Variants in EXOC2 observed in about 807,000 individuals in gnomAD.
EXOC2 encodes the protein SEC5-like 1.
In EXOC2, 70 loss-of-function variants were observed where a neutral mutation model predicts 131.8. The observed-to-expected ratio is 0.53, with a 90% CI of 0.44 to 0.65. The LOEUF is 0.65. EXOC2 is among the 30% of genes least tolerant of loss of function. EXOC2 has a pLI of 0.00. For synonymous variants in EXOC2, 411 were observed against 398.4 expected (o/e 1.03, Z -0.38); for missense variants, 923 against 1,108.6 (o/e 0.83, Z 2.38).
rs914941867 is a variant in EXOC2 at position 632,951 on chromosome 6, A to G, written c.285T>C (p.Pro95=). ...CATGAAAGACTTTACCTATTTTCTC[A>G]GGTTTGAGTAGCTTGAAAGAGACTG... ...TSTVSFKLLK[P]EKIGILDQSA... Residue 95 remains proline (P), a synonymous_variant, in exon 3 of 28, where the codon CCT becomes CCC. Coordinates refer to ENST00000230449, the MANE Select transcript of EXOC2 (RefSeq NM_018303.6). 20 of 1,603,796 alleles carry G rather than the reference A, an allele frequency of 1.2e-5. No individual in the cohort carries two copies. Among genetic ancestry groups the G allele is most frequent in the Non-Finnish European group, 1.6e-5 (19 of 1,175,958 alleles).
At chr6:661,933 T>A (rs962161530) in intron 1 of EXOC2, among the ~76,000 whole-genome samples, 2 of 152,146 alleles carry the variant, frequency 1.3e-5, no homozygotes, top group African/African-American at 4.8e-5. Context: ...AGGACTCACA[T>A]AAAGTTAAAG....
At chr6:631,633 C>T (rs928572566) in intron 3 of EXOC2, among the ~76,000 whole-genome samples, 16 of 151,928 alleles carry the variant, frequency 1.1e-4, no homozygotes, top group African/African-American at 3.9e-4. Context: ...AAAATTACCA[C>T]TTTTGCCTAA....
intron 11 of EXOC2, among the ~76,000 whole-genome samples, chr6:585,995 G>C (rs1217216325): frequency 6.6e-6 from 1 of 152,122 alleles, no homozygotes; most frequent in Non-Finnish European, 1.5e-5. Flanking sequence ...TTAAAAGCAG[G>C]CTCCTGAGAA....
At chr6:596,109 G>T (rs1226712734) in intron 10 of EXOC2, among the ~76,000 whole-genome samples, 1 of 151,892 alleles carries the variant, frequency 6.6e-6, no homozygotes, top group Non-Finnish European at 1.5e-5. Flanking sequence ...GATTAGAGAG[G>T]ACATGTAGAA....
At chr6:632,697 T>A (rs997824115) in intron 3 of EXOC2, among the ~76,000 whole-genome samples, 2 of 152,238 alleles carry the variant, frequency 1.3e-5, no homozygotes, top group African/African-American at 4.8e-5. Context: ...TTTTAAGAAC[T>A]GAGAAGAGTA....
chr6:692,003 G>A (rs1032468658), intron 1 of EXOC2, among the ~76,000 whole-genome samples: 3 of 152,182 alleles, frequency 2.0e-5, no homozygotes, highest in Admixed American at 6.5e-5. Flanking sequence ...GTCATTAAAG[G>A]AGTCAGTTAC....
intron 23 of EXOC2, chr6:525,480 C>T (rs934485030): frequency 6.6e-6 from 1 of 152,188 alleles, no homozygotes; most frequent in African/African-American, 2.4e-5. Flanking sequence ...TCAGGAAAAA[C>T]TGTCAAATGA....
At chr6:594,570 T>C (rs562355931) in intron 10 of EXOC2, among the ~76,000 whole-genome samples, 2 of 152,362 alleles carry the variant, frequency 1.3e-5, no homozygotes, top group South Asian at 4.1e-4. Context: ...AAGGGTTCTT[T>C]CTCCAGGAGT....
At chr6:691,754 A>AG (rs1764937128) in intron 1 of EXOC2, among the ~76,000 whole-genome samples, 1 of 152,234 alleles carries the variant, frequency 6.6e-6, no homozygotes, top group Non-Finnish European at 1.5e-5. Flanking sequence ...CATTCAATAC[A>AG]GGAAATTAAA....
chr6:630,094 C>T (rs542806436), intron 3 of EXOC2, 133 bp from the exon 4 acceptor site: 86 of 1,106,982 alleles, frequency 7.8e-5, no homozygotes, highest in Middle Eastern at 4.2e-4. Flanking sequence ...GATTTGAGGA[C>T]ATAACAGCTA....
chr6:596,745 G>C (rs1759842146), intron 10 of EXOC2, among the ~76,000 whole-genome samples: 1 of 152,042 alleles, frequency 6.6e-6, no homozygotes, highest in Admixed American at 6.6e-5. Context: ...TACAACCACT[G>C]AATAGTCAAT....
chr6:656,746 G>GAA lies in EXOC2; in HGVS notation c.-43-18887_-43-18886dup, dbSNP rs746864935. Reference sequence around the variant, plus strand: ...AGATCTTCCGAGACACCTTCCATGCGAAACTGCTGGAAGGCCCCCTGCCGC... The same window carrying GAA: ...AGATCTTCCGAGACACCTTCCATGCGAAAAACTGCTGGAAGGCCCCCTGCCGC... On this transcript the variant is annotated intron_variant, in intron 1 of 27. Coordinates refer to ENST00000230449, the MANE Select transcript of EXOC2 (RefSeq NM_018303.6). 1.7e-5 allele frequency: 27 copies of GAA among 1,587,498 alleles called. 1 individual carries two copies. Among genetic ancestry groups the GAA allele is most frequent in the Non-Finnish European group, 2.1e-5 (24 of 1,164,282 alleles).
At chr6:650,812 G>A (rs972194709) in intron 1 of EXOC2, among the ~76,000 whole-genome samples, 2 of 152,104 alleles carry the variant, frequency 1.3e-5, no homozygotes, top group Non-Finnish European at 2.9e-5. Flanking sequence ...TCAAGACAAA[G>A]CAACAGAACT....
chr6:637,630 T>C, intron 2 of EXOC2, 71 bp downstream of exon 2: 1 of 1,195,230 alleles, frequency 8.4e-7, no homozygotes, highest in South Asian at 1.5e-5. Flanking sequence ...GTTTGAAAAT[T>C]ACATATCTTG....
intron 25 of EXOC2, among the ~76,000 whole-genome samples, chr6:494,273 A>G (rs1266237984): frequency 6.6e-6 from 1 of 152,204 alleles, no homozygotes; most frequent in Non-Finnish European, 1.5e-5. Context: ...AAAAAATTTC[A>G]AATGTATGGA....
chr6:498,715 A>G (rs2127479010), intron 24 of EXOC2, among the ~76,000 whole-genome samples: 1 of 152,238 alleles, frequency 6.6e-6, no homozygotes, highest in African/African-American at 2.4e-5. Flanking sequence ...ACTCTTAATT[A>G]ACCATGTTTT....
In EXOC2 at chr6:629,076, T is replaced by G. The variant is rs147988632; in HGVS notation, c.422+759A>C. Among the ~76,000 whole-genome samples the G allele has an allele frequency of 2.2e-4, 34 of 152,262 alleles. No individual in the cohort carries two copies. The East Asian group carries it at 4.4e-3, about 20-fold the overall frequency. ...CAAGAGTAGGCTTGAAGATTATATATAGAGAGATTATTGGAGAATTTTCCC... is the reference window on the plus strand; with the variant it reads ...CAAGAGTAGGCTTGAAGATTATATAGAGAGAGATTATTGGAGAATTTTCCC... On this transcript the variant is annotated intron_variant, in intron 4 of 27. Transcript: ENST00000230449.
chr6:638,852 C>A (rs997963558), intron 1 of EXOC2, among the ~76,000 whole-genome samples: 4 of 152,262 alleles, frequency 2.6e-5, no homozygotes, highest in South Asian at 4.1e-4. Flanking sequence ...CTGCTTGAAC[C>A]CAGGAGGCGG....
intron 1 of EXOC2, among the ~76,000 whole-genome samples, chr6:662,827 G>A (rs149076294): frequency 6.6e-6 from 1 of 152,120 alleles, no homozygotes; most frequent in African/African-American, 2.4e-5. Flanking sequence ...AGAATTAAAT[G>A]AAATTGAAAA....
Sources: gnomAD v4.1 joint callset for allele counts (sites outside exome capture counted in the v4.1 genomes callset) on GRCh38, gnomAD v4.1.1 for gene constraint, MANE v1.5 for transcripts, NCBI Gene and HGNC (gene_info 2026-07-23, HGNC 2026-07-21) for gene names.